DNASE1L3: variants seen among roughly 807,000 people sequenced by gnomAD.
DNASE1L3 encodes deoxyribonuclease 1L3, also known as deoxyribonuclease gamma.
Under a neutral mutation model 30.9 loss-of-function variants are expected in DNASE1L3, and 27 were observed. The ratio of observed to expected loss-of-function variants is 0.87; its 90% confidence interval spans 0.64 to 1.20. The LOEUF (loss-of-function observed/expected upper bound fraction) is 1.20, where lower values mean the gene tolerates loss of function less well. Ranked by LOEUF, DNASE1L3 falls within the 50% of genes most tolerant of loss-of-function variation. The pLI, the probability that DNASE1L3 is intolerant of heterozygous loss-of-function variation, is 0.00. For synonymous variants in DNASE1L3, 135 were observed against 138.0 expected (o/e 0.98, Z 0.15); for missense variants, 364 against 378.2 (o/e 0.96, Z 0.31).
At chr3:58,193,504 G>C (rs1035809592) in intron 6 of DNASE1L3, 65 bp from the exon 7 acceptor site, 11 of 1,397,442 alleles carry the variant, frequency 7.9e-6, no homozygotes, top group African/African-American at 4.2e-5. Context: ...TCAAACCAAG[G>C]TCTGTGTTTG....
intron 4 of DNASE1L3, 57 bp downstream of exon 4, chr3:58,204,712 T>G: frequency 6.8e-7 from 1 of 1,470,770 alleles, no homozygotes. Flanking sequence ...TCAAGGCTGC[T>G]GCGCATTCAT....
chr3:58,206,154 C>A (rs1329031659), intron 2 of DNASE1L3, among the ~76,000 whole-genome samples: 1 of 152,180 alleles, frequency 6.6e-6, no homozygotes. Flanking sequence ...GCCATGAAGT[C>A]CCATTGACCT....
intron 6 of DNASE1L3, among the ~76,000 whole-genome samples, chr3:58,194,711 TG>T (rs1432890002): frequency 6.8e-6 from 1 of 146,862 alleles, no homozygotes; most frequent in Non-Finnish European, 1.5e-5. Flanking sequence ...CTGCAAGCTC[TG>T]CCTCCTGGGT....
intron 4 of DNASE1L3, among the ~76,000 whole-genome samples, chr3:58,202,546 G>A (rs562893828): frequency 2.4e-4 from 36 of 151,544 alleles, no homozygotes; most frequent in Admixed American, 4.6e-4. Flanking sequence ...GAGCCCAGTC[G>A]CACATTTTCT....
At position 58,208,262 on chromosome 3, in the gene DNASE1L3, G is replaced by C; in HGVS notation, c.186C>G (p.Asp62Glu). The change falls in exon 2 of 8, where the codon GAC becomes GAG. Residue 62 changes from aspartate (D) to glutamate (E), a missense_variant. By Grantham distance (45) the Asp-to-Glu change is conservative (BLOSUM62 2). Coordinates refer to ENST00000394549, the MANE Select transcript of DNASE1L3 (RefSeq NM_004944.4). ...CDIILVMEIK[D>E]SNNRICPILM... ...GTATGGGGCAGATCCTGTTGTTGCT[G>C]TCCTTGATTTCCATCACGAGTATGA... 3 of 1,614,194 alleles carry C rather than the reference G, an allele frequency of 1.9e-6. No individual in the cohort carries two copies. The highest frequency in any genetic ancestry group is 1.7e-6 in the Non-Finnish European group (2 of 1,180,042).
intron 4 of DNASE1L3, among the ~76,000 whole-genome samples, chr3:58,204,287 C>T (rs948421273): frequency 3.9e-5 from 6 of 151,964 alleles, no homozygotes; most frequent in South Asian, 2.1e-4. Context: ...ATTACAGGTG[C>T]GCACCACCAT....
In DNASE1L3 at chr3:58,210,917, C is replaced by T; in HGVS notation, c.-11G>A. 6.2e-7 allele frequency: 1 copy of T among 1,613,222 alleles called. No individual in the cohort carries two copies. The highest frequency in any genetic ancestry group is 8.5e-7 in the Non-Finnish European group (1 of 1,179,884). On this transcript the variant is annotated 5_prime_UTR_variant, in exon 1 of 8. Transcript: ENST00000394549. ...CAGCTCCCGTGACATCCTGGCGCTG[C>T]TCTGGCTTCAAGACTCTGTGAGAAG...
chr3:58,208,120 C>A (rs959396719), intron 2 of DNASE1L3, 98 bp downstream of exon 2: 2 of 1,186,080 alleles, frequency 1.7e-6, no homozygotes, highest in East Asian at 4.7e-5. Flanking sequence ...AACTGGTGGT[C>A]AAGTGCGGGA....
chr3:58,206,718 A>G (rs1434680811), intron 2 of DNASE1L3, among the ~76,000 whole-genome samples: 2 of 152,084 alleles, frequency 1.3e-5, no homozygotes, highest in Non-Finnish European at 2.9e-5. Context: ...TCAGTCCCCC[A>G]CAAACCTGTC....
rs953325640 is a variant in DNASE1L3, at chr3:58,200,752, A to C, written c.546+245T>G. Among the ~76,000 whole-genome samples, 1 of 152,214 alleles carries C rather than the reference A, an allele frequency of 6.6e-6. No homozygotes were observed. The highest frequency in any genetic ancestry group is 1.9e-4 in the East Asian group (1 of 5,202). ...AGTGCCTGGCACTAGCTATTCACTC[A>C]GTAAATGTTGGCATCTGTTATTAAT... On this transcript the variant is annotated intron_variant, in intron 5 of 7. Transcript: ENST00000394549. The surrounding 1 kb of genome is among the most constrained non-coding windows in gnomAD (Gnocchi z 4.2).
chr3:58,200,959 C>G lies in DNASE1L3; in HGVS notation c.546+38G>C, dbSNP rs2097400156. ...CCCACTCAGGGACCAGAGCCTGCCC[C>G]TGCTAGATGGGAATTCGTCTGACAC... On this transcript the variant is annotated intron_variant, in intron 5 of 7. Transcript: ENST00000394549. The surrounding 1 kb of genome is among the most constrained non-coding windows in gnomAD (Gnocchi z 4.2). 1.9e-6 allele frequency: 3 copies of G among 1,572,800 alleles called. No individual in the cohort carries two copies. In the African/African-American group the frequency reaches 4.0e-5, roughly 21 times the overall value.
chr3:58,194,087 CT>C (rs1486145920), intron 6 of DNASE1L3, among the ~76,000 whole-genome samples: 4 of 152,112 alleles, frequency 2.6e-5, no homozygotes, highest in Non-Finnish European at 5.9e-5. Flanking sequence ...AGCATATGTG[CT>C]TTGCAATAAT....
At position 58,210,224 on chromosome 3, in the gene DNASE1L3, G is replaced by A. The variant is rs1223296867; in HGVS notation, c.141+542C>T. 7.9e-5 allele frequency among the ~76,000 whole-genome samples: 10 copies of A among 126,192 alleles called. No homozygotes were observed. In the South Asian group the frequency reaches 2.5e-3, roughly 31 times the overall value. 82.8% of individuals were successfully genotyped at this position (126,192 alleles called of 152,430 possible). A position where few individuals can be genotyped will look rare whatever the true frequency, so the allele number is the denominator to read the frequency against. On this transcript the variant is annotated intron_variant, in intron 1 of 7. Transcript: ENST00000394549. ...GACAGAAAGAAGAAAGAAAAAGGAA[G>A]AAAGAAAAAGGAAGAAAGAAAAAGA...
chr3:58,210,244 A>AAAAGAAAG (rs71625612), intron 1 of DNASE1L3, among the ~76,000 whole-genome samples: 17 of 101,940 alleles, frequency 1.7e-4, no homozygotes, highest in South Asian at 7.3e-4. Context: ...GGAAGAAAGA[A>AAAAGAAAG]AAAGAAAGAA....
chr3:58,208,913 C>T (rs1340020738), intron 1 of DNASE1L3, among the ~76,000 whole-genome samples: 3 of 152,024 alleles, frequency 2.0e-5, no homozygotes, highest in Non-Finnish European at 4.4e-5. Flanking sequence ...CTTAGGTCTG[C>T]GTGACTACAA....
At chr3:58,201,311 C>A (rs2097400418) in intron 4 of DNASE1L3, among the ~76,000 whole-genome samples, 1 of 152,232 alleles carries the variant, frequency 6.6e-6, no homozygotes, top group African/African-American at 2.4e-5. Flanking sequence ...ACGAAAGACT[C>A]ATTTCTCCCA....
intron 1 of DNASE1L3, 41 bp from the exon 2 acceptor site, chr3:58,208,347 CA>C (rs2097405421): frequency 6.3e-7 from 1 of 1,598,924 alleles, no homozygotes; most frequent in African/African-American, 1.3e-5. Flanking sequence ...GGTCATTTAC[CA>C]CAGATAAATA....
intron 1 of DNASE1L3, among the ~76,000 whole-genome samples, chr3:58,210,258 A>G (rs1444717312): frequency 2.0e-5 from 3 of 151,430 alleles, no homozygotes; most frequent in Non-Finnish European, 4.4e-5. Context: ...GAAAGAAAGA[A>G]AGAGAGAAAG....
intron 1 of DNASE1L3, among the ~76,000 whole-genome samples, chr3:58,210,104 T>G (rs2097406677): frequency 1.6e-5 from 2 of 126,974 alleles, no homozygotes; most frequent in African/African-American, 6.1e-5. Flanking sequence ...GAGGGAGGGA[T>G]GATGAGGATG....
Sources: allele counts gnomAD v4.1 joint callset (sites outside exome capture counted in the v4.1 genomes callset), GRCh38; gene constraint gnomAD v4.1.1; non-coding constraint Gnocchi (gnomAD v3.1); transcripts MANE v1.5; gene names NCBI Gene and HGNC (gene_info 2026-07-23, HGNC 2026-07-21).